Variants in TCF4 observed in about 807,000 individuals in gnomAD.
TCF4 encodes transcription factor 4.
TCF4 carries 3 observed loss-of-function variants against 82.1 expected under a neutral mutation model. That is an observed-to-expected ratio of 0.04 (90% CI 0.02 to 0.09). The LOEUF (loss-of-function observed/expected upper bound fraction) is 0.09, where lower values mean the gene tolerates loss of function less well. Ranked by LOEUF, TCF4 falls within the 10% of genes least tolerant of loss-of-function variation. The pLI, the probability that TCF4 is intolerant of heterozygous loss-of-function variation, is 1.00. For synonymous variants in TCF4, 276 were observed against 309.6 expected (o/e 0.89, Z 1.14); for missense variants, 518 against 852.7 (o/e 0.61, Z 4.89).
intron 8 of TCF4, among the ~76,000 whole-genome samples, chr18:55,311,806 C>G (rs1440474): frequency 0.038 from 5,771 of 152,218 alleles, 202 homozygotes; most frequent in South Asian, 0.16. Context: ...GAACTACATG[C>G]AATAATCAAA....
chr18:55,356,553 C>T (rs2083572660), intron 6 of TCF4, among the ~76,000 whole-genome samples: 1 of 152,112 alleles, frequency 6.6e-6, no homozygotes, highest in Non-Finnish European at 1.5e-5. Context: ...AAACTAGTTA[C>T]AGTTAACCAA....
chr18:55,426,170 C>A (rs1279393642), intron 5 of TCF4, among the ~76,000 whole-genome samples: 4 of 150,620 alleles, frequency 2.7e-5, no homozygotes. Flanking sequence ...TGGTAGGCTA[C>A]CTAAAAACCC....
At chr18:55,590,997 T>C (rs932285627), upstream of TCF4, 1 of 152,208 alleles carries the variant, frequency 6.6e-6, no homozygotes, top group Admixed American at 6.5e-5. Flanking sequence ...GTGATAACAG[T>C]CCACATTCAA....
intron 5 of TCF4, among the ~76,000 whole-genome samples, chr18:55,432,123 G>A (rs1046003822): frequency 6.6e-6 from 1 of 152,054 alleles, no homozygotes; most frequent in African/African-American, 2.4e-5. Context: ...TAAACATGGC[G>A]AAACCCTGTC....
intron 3 of TCF4, among the ~76,000 whole-genome samples, chr18:55,502,333 C>A (rs2096710554): frequency 6.6e-6 from 1 of 152,158 alleles, no homozygotes; most frequent in African/African-American, 2.4e-5. Flanking sequence ...GATCCAAAGA[C>A]CAATAAACCT....
chr18:55,318,580 C>G (rs1417394919), intron 8 of TCF4, among the ~76,000 whole-genome samples: 2 of 152,024 alleles, frequency 1.3e-5, no homozygotes, highest in Non-Finnish European at 2.9e-5. Context: ...AAAATACATT[C>G]TGGTTTATAT....
At chr18:55,391,268 G>C (rs558170375) in intron 6 of TCF4, among the ~76,000 whole-genome samples, 1 of 152,078 alleles carries the variant, frequency 6.6e-6, no homozygotes, top group Non-Finnish European at 1.5e-5. Flanking sequence ...CCCAGGGATG[G>C]GACTTCAAAG....
At chr18:55,366,247 A>C (rs1347203197) in intron 6 of TCF4, among the ~76,000 whole-genome samples, 4 of 152,216 alleles carry the variant, frequency 2.6e-5, no homozygotes, top group Admixed American at 6.5e-5. Context: ...CAATTGAAAA[A>C]TTCCAGAAGG....
In TCF4 at chr18:55,459,497, G is replaced by A. The variant is rs117537450; in HGVS notation, c.304+1522C>T. On this transcript the variant is annotated intron_variant, in intron 5 of 19. Coordinates refer to ENST00000354452, the MANE Select transcript of TCF4 (RefSeq NM_001083962.2). ...GTAGCTCATTGGAGGATCATTTTAG[G>A]ATCCAAGGAAGTTAGTATATTATTT... Among the ~76,000 whole-genome samples, 662 of 152,208 alleles carry A rather than the reference G, an allele frequency of 4.3e-3. 1 individual carries two copies. Among genetic ancestry groups the A allele is most frequent in the Non-Finnish European group, 7.5e-3 (512 of 68,004 alleles).
At chr18:55,435,002 T>C (rs932417354) in intron 5 of TCF4, among the ~76,000 whole-genome samples, 6 of 152,184 alleles carry the variant, frequency 3.9e-5, no homozygotes, top group African/African-American at 1.4e-4. Flanking sequence ...ATAATCACCC[T>C]GTTGTGCCAT....
chr18:55,557,357 G>A (rs1261327537), intron 3 of TCF4, among the ~76,000 whole-genome samples: 2 of 152,116 alleles, frequency 1.3e-5, no homozygotes, highest in Non-Finnish European at 2.9e-5. Flanking sequence ...AGGATCACTG[G>A]AGCCCTGGAG....
rs149867125 is a variant in TCF4, at chr18:55,603,698, C to G, written c.287-16562G>C. Among the ~76,000 whole-genome samples, 443 of 152,168 alleles carry G rather than the reference C, an allele frequency of 2.9e-3. 3 individuals carry two copies. The highest frequency in any genetic ancestry group is 9.8e-3 in the African/African-American group (405 of 41,510). The stretch of plus-strand genomic sequence containing the variant: ...GGCTGCATCTCTGCTGCTGGTTAAC[C>G]CATTTAGAAGAGAGCTGCTATCAAC... On this transcript the variant is annotated intron_variant, in intron 2 of 20. Transcript: ENST00000398339.
At chr18:55,287,216 G>A (rs2063892594) in intron 8 of TCF4, among the ~76,000 whole-genome samples, 2 of 152,102 alleles carry the variant, frequency 1.3e-5, no homozygotes, top group Admixed American at 1.3e-4. Context: ...CTATGAAAAA[G>A]AATATATGTA....
intron 16 of TCF4, 86 bp from the exon 17 acceptor site, chr18:55,232,757 A>C: frequency 4.6e-6 from 7 of 1,510,380 alleles, no homozygotes; most frequent in Non-Finnish European, 6.4e-6. Flanking sequence ...CAGACAATTC[A>C]TACTGCTGAA....
chr18:55,400,983 C>T, intron 6 of TCF4: 1 of 1,289,070 alleles, frequency 7.8e-7, no homozygotes, highest in Admixed American at 2.3e-5. Flanking sequence ...AAAAGCCTCC[C>T]CTCCACGAGT....
rs960000254 is a variant in TCF4 at position 55,422,420 on chromosome 18, T to G, written c.305-18902A>C. 99 of 979,262 alleles carry G rather than the reference T, an allele frequency of 1.0e-4. No individual in the cohort carries two copies. The African/African-American group carries it at 1.1e-3, about 11-fold the overall frequency. The allele number at this position is 979,262 out of a possible 1,614,324, so 60.7% of individuals were successfully genotyped here. On this transcript the variant is annotated intron_variant, in intron 5 of 19. Coordinates refer to ENST00000354452, the MANE Select transcript of TCF4 (RefSeq NM_001083962.2). ...GGGAAAAGGTGGAGGGTTTGGGGGG[T>G]TTTTTTTAATATTAAAAAAAAAGTT...
Position 55,256,877 on chromosome 18 carries a change from G to A in TCF4, c.1146+438C>T, listed in dbSNP as rs541979803. ...GGAAGAGTAGGCATTTCTCTACCAC[G>A]AAGGATACCACTGGGTTTCTACGAG... On this transcript the variant is annotated intron_variant, in intron 14 of 19. Coordinates refer to ENST00000354452, the MANE Select transcript of TCF4 (RefSeq NM_001083962.2). Among the ~76,000 whole-genome samples, 7 of 152,240 alleles carry A rather than the reference G, an allele frequency of 4.6e-5. No individual in the cohort carries two copies. The East Asian group carries it at 1.2e-3, about 25-fold the overall frequency.
chr18:55,313,862 T>C (rs1323715697), intron 8 of TCF4, among the ~76,000 whole-genome samples: 1 of 152,172 alleles, frequency 6.6e-6, no homozygotes, highest in Non-Finnish European at 1.5e-5. Flanking sequence ...TCCTGGCTGA[T>C]ATATAAGTAG....
rs143527578 is a variant in TCF4, at chr18:55,322,020, G to GT, written c.549+28338dup. 1.3e-3 allele frequency: 1,530 copies of GT among 1,185,728 alleles called. 14 individuals are homozygous for GT. The African/African-American group carries it at 0.022, about 17-fold the overall frequency. 73.5% of individuals were successfully genotyped at this position (1,185,728 alleles called of 1,614,324 possible). On this transcript the variant is annotated intron_variant, in intron 8 of 19. Coordinates refer to ENST00000354452, the MANE Select transcript of TCF4 (RefSeq NM_001083962.2). ...GAGATCGATTCAACTTTTCCGAGGG[G>GT]TTTTTATTAGTTCCTCGAATAATGC...
Sources: gnomAD v4.1 joint callset for allele counts (sites outside exome capture counted in the v4.1 genomes callset) on GRCh38, gnomAD v4.1.1 for gene constraint, MANE v1.5 for transcripts, NCBI Gene and HGNC (gene_info 2026-07-23, HGNC 2026-07-21) for gene names.